Variants in TNRC18 observed in about 807,000 individuals in gnomAD.
The protein encoded by TNRC18 is trinucleotide repeat containing 18.
TNRC18 carries 69 observed loss-of-function variants against 226.7 expected under a neutral mutation model. That is an observed-to-expected ratio of 0.30 (90% CI 0.25 to 0.37). TNRC18 has a LOEUF of 0.37. Ranked by LOEUF, TNRC18 falls within the 10% of genes least tolerant of loss-of-function variation. The probability of loss-of-function intolerance (pLI) is 1.00; values close to 1 mark genes in which losing one functional copy is unlikely to be tolerated. For synonymous variants in TNRC18, 2,449 were observed against 1,927.6 expected (o/e 1.27, Z -7.09); for missense variants, 4,754 against 4,256.6 (o/e 1.12, Z -3.25).
chr7:5,328,223 A>C (rs996079156), intron 19 of TNRC18, among the ~76,000 whole-genome samples: 6 of 148,658 alleles, frequency 4.0e-5, no homozygotes, highest in African/African-American at 1.5e-4. Flanking sequence ...TGTCGCAAAA[A>C]ACAAAAAAAA....
chr7:5,364,539 C>A (rs1462429260), intron 11 of TNRC18, among the ~76,000 whole-genome samples: 2 of 150,638 alleles, frequency 1.3e-5, no homozygotes, highest in African/African-American at 4.9e-5. Context: ...CACGGTGGCT[C>A]ATGCCTGTAA....
At position 5,347,492 on chromosome 7, in the gene TNRC18, A is replaced by T. The variant is rs1221207979; in HGVS notation, c.5471-1682T>A. On this transcript the variant is annotated intron_variant, in intron 17 of 29. Transcript: ENST00000430969. ...ATTACAGGCATGAGCCGCCACACCC[A>T]GCCCCCCCGCAAAAATTTTAAAATT... is the stretch of plus-strand genomic sequence containing the variant. Among the ~76,000 whole-genome samples the T allele has an allele frequency of 1.2e-4, 17 of 141,958 alleles. No homozygotes were observed. In the Admixed American group the frequency reaches 1.2e-3, roughly 10 times the overall value. The allele number at this position is 141,958 out of a possible 152,430, so 93.1% of individuals were successfully genotyped here. A position where few individuals can be genotyped will look rare whatever the true frequency, so the allele number is the denominator to read the frequency against.
chr7:5,359,164 C>A (rs28600180), intron 15 of TNRC18, among the ~76,000 whole-genome samples: 3,994 of 152,270 alleles, frequency 0.026, 169 homozygotes, highest in African/African-American at 0.091. Flanking sequence ...AGCTTTTAGG[C>A]CTCCTGTCTC....
chr7:5,349,339 C>T (rs533117130), intron 17 of TNRC18, among the ~76,000 whole-genome samples: 2 of 152,258 alleles, frequency 1.3e-5, no homozygotes, highest in African/African-American at 4.8e-5. Context: ...TGAGGCAATG[C>T]AGCTTGCCGA....
intron 24 of TNRC18, among the ~76,000 whole-genome samples, chr7:5,319,655 C>T (rs1004936291): frequency 3.3e-5 from 5 of 152,060 alleles, no homozygotes; most frequent in African/African-American, 1.2e-4. Flanking sequence ...ATTACAGGCA[C>T]CTGCCACCAC....
chr7:5,389,388 C>A (rs1780104821), intron 4 of TNRC18, 52 bp from the exon 5 acceptor site: 1 of 1,228,010 alleles, frequency 8.1e-7, no homozygotes, highest in Non-Finnish European at 1.0e-6. Flanking sequence ...CCCCTCCCAC[C>A]CCTGCCTGGG....
chr7:5,368,415 C>T (rs572138603), intron 11 of TNRC18, among the ~76,000 whole-genome samples: 6 of 151,960 alleles, frequency 3.9e-5, no homozygotes, highest in East Asian at 1.9e-4. Flanking sequence ...GTAATCCCAG[C>T]ACTTTGGGTG....
In TNRC18 at chr7:5,361,965, G is replaced by C; in HGVS notation, c.4464C>G (p.Ala1488=). Residue 1488 remains alanine (A), a synonymous_variant, in exon 13 of 30, where the codon GCC becomes GCG. Coordinates refer to ENST00000430969, the MANE Select transcript of TNRC18 (RefSeq NM_001080495.3). ...ALELDFRMRL[A]EVQRQYKEKQ... is the part of the protein sequence containing the mutation. Reference sequence around the variant, plus strand: ...TCTCCTTGTACTGGCGCTGCACCTCGGCCAGCCGCATCCGGAAGTCCAGCT... The same window carrying C: ...TCTCCTTGTACTGGCGCTGCACCTCCGCCAGCCGCATCCGGAAGTCCAGCT... The C allele has an allele frequency of 6.2e-7, 1 of 1,612,852 alleles. No homozygotes were observed. The highest frequency in any genetic ancestry group is 8.5e-7 in the Non-Finnish European group (1 of 1,179,632).
chr7:5,308,783 G>T, intron 29 of TNRC18, 92 bp downstream of exon 29: 1 of 1,397,510 alleles, frequency 7.2e-7, no homozygotes. Context: ...ATGGGGGACA[G>T]AGCAGCAGAT....
chr7:5,412,756 C>A (rs915576159), intron 2 of TNRC18, among the ~76,000 whole-genome samples: 1 of 152,178 alleles, frequency 6.6e-6, no homozygotes, highest in Non-Finnish European at 1.5e-5. Flanking sequence ...GGCCATCCTG[C>A]CTCTAGATGG....
chr7:5,352,032 T>C lies in TNRC18; in HGVS notation c.5257A>G (p.Ser1753Gly). 6.2e-7 allele frequency: 1 copy of C among 1,613,888 alleles called. No individual in the cohort carries two copies. ...KDEWPAQGPSSSKLTPSLLCS... is the reference protein window; with the variant it reads ...KDEWPAQGPSGSKLTPSLLCS... The stretch of plus-strand genomic sequence containing the variant: ...AGGAGGGAAGGCGTCAGTTTGGAGC[T>C]GGAGGGGCCTTGGGCGGGCCACTCG... Residue 1753 changes from serine to glycine, a missense_variant, in exon 17 of 30, where the codon AGC (serine) becomes GGC (glycine). Transcript: ENST00000430969.
intron 15 of TNRC18, among the ~76,000 whole-genome samples, chr7:5,358,254 T>G (rs1022384069): frequency 6.6e-6 from 1 of 152,218 alleles, no homozygotes; most frequent in African/African-American, 2.4e-5. Flanking sequence ...CCTGCCTGCA[T>G]GTCTATCGTC....
chr7:5,388,986 C>A lies in TNRC18; in HGVS notation c.838G>T (p.Val280Leu), dbSNP rs1780054992. 1 of 1,374,342 alleles carries A rather than the reference C, an allele frequency of 7.3e-7. No individual in the cohort carries two copies. Among genetic ancestry groups the A allele is most frequent in the Non-Finnish European group, 9.5e-7 (1 of 1,056,860 alleles). 85.1% of individuals were successfully genotyped at this position (1,374,342 alleles called of 1,614,324 possible). The change falls in exon 5 of 30, where the codon GTA (valine) becomes TTA (leucine). Residue 280 changes from valine (V) to leucine (L), a missense_variant. Physicochemically the swap from Val to Leu is conservative, Grantham distance 32 (BLOSUM62 1). Transcript: ENST00000430969. Reference sequence around the variant, plus strand: ...GCGCCGCCGTTGCACATGGTCAGTACCGACGGCTGCAGCGCCGCATTCTTG... The same window carrying A: ...GCGCCGCCGTTGCACATGGTCAGTAACGACGGCTGCAGCGCCGCATTCTTG... ...KTKNAALQPSVLTMCNGGAGD... is the reference protein window; with the variant it reads ...KTKNAALQPSLLTMCNGGAGD...
chr7:5,378,772 G>C (rs1779186289), intron 5 of TNRC18, among the ~76,000 whole-genome samples: 1 of 152,042 alleles, frequency 6.6e-6, no homozygotes, highest in Admixed American at 6.6e-5. Context: ...ATTTGGTGAG[G>C]ACAGGGCAGA....
Position 5,331,103 on chromosome 7 carries a change from C to A in TNRC18, c.6147+1519G>T, listed in dbSNP as rs567214022. On this transcript the variant is annotated intron_variant, in intron 19 of 29. Coordinates refer to ENST00000430969, the MANE Select transcript of TNRC18 (RefSeq NM_001080495.3). ...TGCCTATGGATGGTGCTTACACTGG[C>A]CCCTTCCTCACTACTACCCCTTTGT... Among the ~76,000 whole-genome samples, 5 of 152,286 alleles carry A rather than the reference C, an allele frequency of 3.3e-5. No homozygotes were observed. In the East Asian group the frequency reaches 9.6e-4, roughly 29 times the overall value.
chr7:5,347,129 G>C (rs1583857672), intron 17 of TNRC18, among the ~76,000 whole-genome samples: 1 of 151,986 alleles, frequency 6.6e-6, no homozygotes, highest in South Asian at 2.1e-4. Flanking sequence ...GATCTCTTGA[G>C]GCTAGGAGTT....
intron 17 of TNRC18, among the ~76,000 whole-genome samples, chr7:5,349,422 A>G (rs1030976146): frequency 3.9e-5 from 6 of 152,144 alleles, no homozygotes; most frequent in Non-Finnish European, 7.4e-5. Context: ...ACTTTTTATT[A>G]TTATTATTAT....
intron 24 of TNRC18, among the ~76,000 whole-genome samples, chr7:5,317,176 G>A (rs531821955): frequency 1.3e-3 from 198 of 152,160 alleles, no homozygotes; most frequent in Non-Finnish European, 2.1e-3. Flanking sequence ...AGCTCCCATC[G>A]GCTTGATAAG....
At chr7:5,393,866 C>A (rs1292154390) in intron 3 of TNRC18, among the ~76,000 whole-genome samples, 2 of 152,092 alleles carry the variant, frequency 1.3e-5, no homozygotes, top group Non-Finnish European at 2.9e-5. Context: ...CCCCAGGTCC[C>A]CCCGCTCTGG....
Sources: gnomAD v4.1 joint callset for allele counts (sites outside exome capture counted in the v4.1 genomes callset) on GRCh38, gnomAD v4.1.1 for gene constraint, MANE v1.5 for transcripts, NCBI Gene and HGNC (gene_info 2026-07-23, HGNC 2026-07-21) for gene names.